Variants in DCAF15 observed in about 807,000 individuals in gnomAD.
The protein encoded by DCAF15 is DDB1 and CUL4 associated factor 15.
DCAF15 carries 24 observed loss-of-function variants against 68.0 expected under a neutral mutation model. That is an observed-to-expected ratio of 0.35 (90% CI 0.26 to 0.50). DCAF15 has a LOEUF of 0.50. Ranked by LOEUF, DCAF15 falls within the 20% of genes least tolerant of loss-of-function variation. The pLI is 0.98. For synonymous variants in DCAF15, 376 were observed against 341.6 expected (o/e 1.10, Z -1.11); for missense variants, 627 against 830.6 (o/e 0.75, Z 3.01).
In DCAF15 at chr19:13,959,294, C is replaced by T; in HGVS notation, c.1034C>T (p.Ala345Val). The T allele has an allele frequency of 1.2e-6, 2 of 1,609,628 alleles. No individual in the cohort carries two copies. The highest frequency in any genetic ancestry group is 1.7e-6 in the Non-Finnish European group (2 of 1,179,776). The change falls in exon 7 of 13, where the codon GCC becomes GTC. Residue 345 changes from alanine (A) to valine (V), a missense_variant. By Grantham distance (64) the Ala-to-Val change is moderately conservative. Transcript: ENST00000254337. The stretch of plus-strand genomic sequence containing the variant: ...GGGGTCCCTGAGGAAGCCCGGCCTG[C>T]CCTGTGCCCAGGACCCTCTGGCAGC... ...KGGVPEEARP[A>V]LCPGPSGSRC...
intron 10 of DCAF15, 40 bp from the exon 11 acceptor site, chr19:13,960,247 G>T (rs774292483): frequency 1.2e-6 from 2 of 1,601,344 alleles, no homozygotes; most frequent in South Asian, 2.2e-5. Context: ...TCAGGAGCCC[G>T]GCTGTCCCAG....
In DCAF15 at chr19:13,960,403, C is replaced by CT; in HGVS notation, c.1631+13dup. 2 of 1,613,428 alleles carry CT rather than the reference C, an allele frequency of 1.2e-6. No homozygotes were observed. The highest frequency in any genetic ancestry group is 2.2e-5 in the South Asian group (2 of 91,068). ...AAAGGGCAGACCAGGTGAGGCAGGG[C>CT]TGGGGGGCAGGGTCAGGGCGCGGCC... On this transcript the variant is annotated intron_variant, in intron 11 of 12. Coordinates refer to ENST00000254337, the MANE Select transcript of DCAF15 (RefSeq NM_138353.4).
At chr19:13,959,919 G>A (rs1973534858) in intron 9 of DCAF15, 24 bp downstream of exon 9, 1 of 1,613,384 alleles carries the variant, frequency 6.2e-7, no homozygotes, top group Non-Finnish European at 8.5e-7. Flanking sequence ...GGGCAGGGTG[G>A]GCCCAGGGCC....
At chr19:13,956,313 CG>C in intron 5 of DCAF15, 38 bp from the exon 6 acceptor site, 1 of 1,611,958 alleles carries the variant, frequency 6.2e-7, no homozygotes, top group Non-Finnish European at 8.5e-7. Context: ...CCCCTTGCTC[CG>C]GGCCGAGAGT....
rs200546137 is a variant in DCAF15 at position 13,956,314 on chromosome 19, G to T, written c.614-38G>T. On this transcript the variant is annotated intron_variant, in intron 5 of 12. Transcript: ENST00000254337. ...TCTTCCCCCCTCCCCCCCTTGCTCCGGGCCGAGAGTGAGCTGCTGTGGCGT... is the reference window on the plus strand; with the variant it reads ...TCTTCCCCCCTCCCCCCCTTGCTCCTGGCCGAGAGTGAGCTGCTGTGGCGT... 6 of 1,611,774 alleles carry T rather than the reference G, an allele frequency of 3.7e-6. No homozygotes were observed. The Admixed American group carries it at 8.3e-5, about 22-fold the overall frequency.
chr19:13,960,108 G>A (rs1204988961), intron 10 of DCAF15, 39 bp downstream of exon 10: 1 of 1,609,726 alleles, frequency 6.2e-7, no homozygotes, highest in Admixed American at 1.7e-5. Context: ...CCACTAGGGG[G>A]GCCACTGGCA....
chr19:13,956,692 C>T (rs969186621), intron 6 of DCAF15, among the ~76,000 whole-genome samples, 170 bp downstream of exon 6: 7 of 152,274 alleles, frequency 4.6e-5, no homozygotes, highest in African/African-American at 1.7e-4. Flanking sequence ...CCCACCACAG[C>T]CCTGCCCACG....
In DCAF15 at chr19:13,956,382, G is replaced by A. The variant is rs1405373559; in HGVS notation, c.644G>A (p.Gly215Asp). Residue 215 changes from glycine (G) to aspartate (D), a missense_variant, in exon 6 of 13, where the codon GGC becomes GAC. Gly to Asp is a moderately conservative substitution (Grantham distance 94, BLOSUM62 -1). Transcript: ENST00000254337. ...GDPNAQCLRH[G>D]FMLHTKYQVV... ...CCGAATGCACAGTGCCTACGGCATG[G>A]CTTCATGCTGCACACCAAGTACCAG... is the stretch of plus-strand genomic sequence containing the variant. 3.7e-6 allele frequency: 6 copies of A among 1,613,846 alleles called. No homozygotes were observed. In the South Asian group the frequency reaches 6.6e-5, roughly 18 times the overall value.
At chr19:13,958,104 G>C (rs1333255642) in intron 6 of DCAF15, among the ~76,000 whole-genome samples, 1 of 152,134 alleles carries the variant, frequency 6.6e-6, no homozygotes, top group African/African-American at 2.4e-5. Context: ...GTGAGGCGCT[G>C]TCTCTTGCTG....
Position 13,959,469 on chromosome 19 carries a change from G to T in DCAF15, c.1209G>T (p.Glu403Asp). 6.2e-7 allele frequency: 1 copy of T among 1,609,562 alleles called. No homozygotes were observed. The change falls in exon 7 of 13, where the codon GAG becomes GAT. Residue 403 changes from glutamate to aspartate, a missense_variant. By Grantham distance (45) the Glu-to-Asp change is conservative. Transcript: ENST00000254337. ...YYVLESGEGT[E>D]PEDELEDDKI... Reference sequence around the variant, plus strand: ...TGCTGGAGTCCGGAGAGGGGACGGAGCCGGAGGATGGTGAGCGGGGGGCAG... The same window carrying T: ...TGCTGGAGTCCGGAGAGGGGACGGATCCGGAGGATGGTGAGCGGGGGGCAG...
chr19:13,961,156 G>A lies in DCAF15; in HGVS notation c.*161G>A. 1.2e-6 allele frequency: 1 copy of A among 814,998 alleles called. No individual in the cohort carries two copies. 50.5% of individuals were successfully genotyped at this position (814,998 alleles called of 1,614,324 possible). On this transcript the variant is annotated 3_prime_UTR_variant, in exon 13 of 13. Transcript: ENST00000254337. ...TGGGCAGGGCAGCCTCTGTTGGCCTGAGGGTCTGGACGCTTTTTATTTATG... is the reference window on the plus strand; with the variant it reads ...TGGGCAGGGCAGCCTCTGTTGGCCTAAGGGTCTGGACGCTTTTTATTTATG...
intron 6 of DCAF15, among the ~76,000 whole-genome samples, chr19:13,957,591 T>C (rs1307129051): frequency 6.6e-6 from 1 of 152,186 alleles, no homozygotes. Context: ...AATCTATAAC[T>C]GGAACCACTT....
At position 13,959,320 on chromosome 19, in the gene DCAF15, C is replaced by T. The variant is rs1050807217; in HGVS notation, c.1060C>T (p.Arg354Cys). The T allele has an allele frequency of 5.0e-6, 8 of 1,606,680 alleles. No individual in the cohort carries two copies. Among genetic ancestry groups the T allele is most frequent in the Middle Eastern group, 1.6e-4 (1 of 6,084 alleles). The change falls in exon 7 of 13, where the codon CGC (arginine) becomes TGC (cysteine). Residue 354 changes from arginine (R) to cysteine (C), a missense_variant. This residue lies in a region of DCAF15 where 236 missense variants were observed against 225.1 expected (regional missense o/e 1.05). Coordinates refer to ENST00000254337, the MANE Select transcript of DCAF15 (RefSeq NM_138353.4). Reference protein sequence around the residue: ...PALCPGPSGSRCRAHSEPLAL... With the variant: ...PALCPGPSGSCCRAHSEPLAL... ...CCTGTGCCCAGGACCCTCTGGCAGC[C>T]GCTGCCGTGCGCACTCTGAGCCCCT...
In DCAF15 at chr19:13,959,494, G is replaced by A. The variant is rs183366641; in HGVS notation, c.1219+15G>A. ...GCCGGAGGATGGTGAGCGGGGGGCA[G>A]GCATGTGACAGGGCCTGGGATGGAG... On this transcript the variant is annotated intron_variant, in intron 7 of 12. Transcript: ENST00000254337. 1.2e-5 allele frequency: 19 copies of A among 1,609,088 alleles called. No homozygotes were observed. The African/African-American group carries it at 1.6e-4, about 14-fold the overall frequency.
rs369593855 is a variant in DCAF15, at chr19:13,960,274, C to G, written c.1527-13C>G. 18 of 1,612,382 alleles carry G rather than the reference C, an allele frequency of 1.1e-5. No homozygotes were observed. The highest frequency in any genetic ancestry group is 1.0e-4 in the Admixed American group (6 of 59,992). ...CTGTCCCAGCGTTTGTCCTATGTCC[C>G]TCTCCACTGTAGACCAAAGACCTAT... is the stretch of plus-strand genomic sequence containing the variant. On this transcript the variant is annotated splice_polypyrimidine_tract_variant and intron_variant, in intron 10 of 12. Coordinates refer to ENST00000254337, the MANE Select transcript of DCAF15 (RefSeq NM_138353.4).
At chr19:13,960,251 G>A (rs1402523157) in intron 10 of DCAF15, 36 bp from the exon 11 acceptor site, 1 of 1,603,688 alleles carries the variant, frequency 6.2e-7, no homozygotes. Flanking sequence ...GAGCCCGGCT[G>A]TCCCAGCGTT....
chr19:13,956,881 G>A (rs1973387174), intron 6 of DCAF15, among the ~76,000 whole-genome samples: 2 of 152,150 alleles, frequency 1.3e-5, no homozygotes, highest in African/African-American at 4.8e-5. Flanking sequence ...TCAGCCTCCC[G>A]AGAAGCTGGG....
rs1423446321 is a variant in DCAF15 at position 13,959,323 on chromosome 19, T to C, written c.1063T>C (p.Cys355Arg). ...GTGCCCAGGACCCTCTGGCAGCCGCTGCCGTGCGCACTCTGAGCCCCTAGC... is the reference window on the plus strand; with the variant it reads ...GTGCCCAGGACCCTCTGGCAGCCGCCGCCGTGCGCACTCTGAGCCCCTAGC... ...ALCPGPSGSR[C>R]RAHSEPLALC... The change falls in exon 7 of 13, where the codon TGC becomes CGC. Residue 355 changes from cysteine (C) to arginine (R), a missense_variant. This residue lies in a region of DCAF15 where 236 missense variants were observed against 225.1 expected (regional missense o/e 1.05). Coordinates refer to ENST00000254337, the MANE Select transcript of DCAF15 (RefSeq NM_138353.4). 2.5e-6 allele frequency: 4 copies of C among 1,606,684 alleles called. No homozygotes were observed. The highest frequency in any genetic ancestry group is 3.4e-6 in the Non-Finnish European group (4 of 1,179,724).
intron 11 of DCAF15, 34 bp downstream of exon 11, chr19:13,960,425 G>T (rs371683648): frequency 1.2e-6 from 2 of 1,612,796 alleles, no homozygotes; most frequent in East Asian, 2.2e-5. Context: ...GTCAGGGCGC[G>T]GCCAAGGCGA....
Sources: gnomAD v4.1 joint callset for allele counts (sites outside exome capture counted in the v4.1 genomes callset) on GRCh38, gnomAD v4.1.1 for gene constraint, gnomAD v4.1.1 regional missense constraint, MANE v1.5 for transcripts, NCBI Gene and HGNC (gene_info 2026-07-23, HGNC 2026-07-21) for gene names.